The following LRRC1 variants were observed in gnomAD, a reference collection of about 807,000 sequenced individuals.
LRRC1 encodes the protein leucine rich repeat containing 1.
LRRC1 carries 28 observed loss-of-function variants against 69.9 expected under a neutral mutation model. That is an observed-to-expected ratio of 0.40 (90% confidence interval 0.30 to 0.55). The LOEUF (loss-of-function observed/expected upper bound fraction) is 0.55, where lower values mean the gene tolerates loss of function less well. Among genes scored for constraint, LRRC1 ranks in the 20% least tolerant of loss-of-function variants. The pLI is 0.47. For synonymous variants in LRRC1, 236 were observed against 240.2 expected (o/e 0.98, Z 0.16); for missense variants, 498 against 609.0 (o/e 0.82, Z 1.92).
At chr6:53,919,200 A>G (rs1768658651) in intron 11 of LRRC1, 1 of 191,180 alleles carries the variant, frequency 5.2e-6, no homozygotes, top group East Asian at 1.4e-4. Flanking sequence ...GTACAAGACC[A>G]TAAAAATGTG....
At chr6:53,846,758 G>C (rs1477815752) in intron 2 of LRRC1, among the ~76,000 whole-genome samples, 2 of 152,222 alleles carry the variant, frequency 1.3e-5, no homozygotes, top group Admixed American at 1.3e-4. Context: ...TTCTGCAACA[G>C]TTTTCTGTGG....
intron 1 of LRRC1, among the ~76,000 whole-genome samples, chr6:53,801,574 A>G (rs963666212): frequency 6.6e-6 from 1 of 150,898 alleles, no homozygotes; most frequent in African/African-American, 2.5e-5. Flanking sequence ...CCCTGTTACT[A>G]TCACACAATT....
At position 53,857,452 on chromosome 6, in the gene LRRC1, G is replaced by A. The variant is rs550844555; in HGVS notation, c.277+15225G>A. Among the ~76,000 whole-genome samples the A allele has an allele frequency of 5.3e-5, 8 of 152,282 alleles. No individual in the cohort carries two copies. The East Asian group carries it at 7.7e-4, about 15-fold the overall frequency. On this transcript the variant is annotated intron_variant, in intron 2 of 13. Transcript: ENST00000370888. Reference sequence around the variant, plus strand: ...TACTGTGCAGATTAATGGATGAAGCGTTGTCATCGGTGAAACTGCCCAGGC... The same window carrying A: ...TACTGTGCAGATTAATGGATGAAGCATTGTCATCGGTGAAACTGCCCAGGC...
intron 4 of LRRC1, among the ~76,000 whole-genome samples, chr6:53,884,520 CT>C (rs1426375652): frequency 6.6e-6 from 1 of 151,898 alleles, no homozygotes; most frequent in Non-Finnish European, 1.5e-5. Context: ...TTTGCCCCCC[CT>C]ACACAAAAAA....
intron 11 of LRRC1, among the ~76,000 whole-genome samples, chr6:53,915,800 C>T (rs941482136): frequency 1.7e-4 from 26 of 152,044 alleles, no homozygotes; most frequent in African/African-American, 6.3e-4. Context: ...AGATTCATAA[C>T]CAAATGTTAA....
rs569737865 is a variant in LRRC1 at position 53,849,061 on chromosome 6, C to CTT, written c.277+6852_277+6853dup. On this transcript the variant is annotated intron_variant, in intron 2 of 13. Coordinates refer to ENST00000370888, the MANE Select transcript of LRRC1 (RefSeq NM_018214.5). ...CGTGAGCCACTGCGCCCGGCCTATG[C>CTT]TTTTTTTTTTTTTTTTTTTAGTTAG... is the stretch of plus-strand genomic sequence containing the variant. Among the ~76,000 whole-genome samples the CTT allele has an allele frequency of 1.3e-3, 167 of 130,618 alleles. No homozygotes were observed. The Middle Eastern group carries it at 0.016, about 13-fold the overall frequency. 85.7% of individuals were successfully genotyped at this position (130,618 alleles called of 152,430 possible). A position where few individuals can be genotyped will look rare whatever the true frequency, so the allele number is the denominator to read the frequency against.
chr6:53,811,396 T>C (rs751216143), intron 1 of LRRC1, among the ~76,000 whole-genome samples: 47 of 152,170 alleles, frequency 3.1e-4, no homozygotes, highest in Non-Finnish European at 6.0e-4. Context: ...GGGTCAACAG[T>C]AGCACAGAAA....
At chr6:53,857,289 T>G (rs938405610) in intron 2 of LRRC1, among the ~76,000 whole-genome samples, 2 of 152,002 alleles carry the variant, frequency 1.3e-5, no homozygotes, top group Non-Finnish European at 2.9e-5. Context: ...AGAGGGGCCC[T>G]TGTAAGATTC....
intron 2 of LRRC1, among the ~76,000 whole-genome samples, chr6:53,873,289 C>CTTTTTTTTTTT (rs57201410): frequency 7.3e-6 from 1 of 136,808 alleles, no homozygotes; most frequent in Non-Finnish European, 1.6e-5. Context: ...ACCGATTTTT[C>CTTTTTTTTTTT]TTTTTTTTTT....
chr6:53,851,024 A>G (rs1766110876), intron 2 of LRRC1, among the ~76,000 whole-genome samples: 3 of 152,092 alleles, frequency 2.0e-5, no homozygotes, highest in African/African-American at 7.2e-5. Context: ...TCAGTTAGCT[A>G]GAAGAGGAGA....
intron 1 of LRRC1, among the ~76,000 whole-genome samples, chr6:53,825,126 CACT>C (rs2127410281): frequency 6.6e-6 from 1 of 152,314 alleles, no homozygotes; most frequent in Non-Finnish European, 1.5e-5. Context: ...GTGTCCTCTG[CACT>C]ACTTAGTGTT....
chr6:53,872,669 T>G (rs575265380), intron 2 of LRRC1, among the ~76,000 whole-genome samples: 1 of 152,146 alleles, frequency 6.6e-6, no homozygotes, highest in African/African-American at 2.4e-5. Flanking sequence ...CTATGAAGAA[T>G]ATCAGTGGTA....
intron 2 of LRRC1, among the ~76,000 whole-genome samples, chr6:53,872,028 C>G (rs1276666522): frequency 6.6e-6 from 1 of 152,094 alleles, no homozygotes; most frequent in Non-Finnish European, 1.5e-5. Flanking sequence ...CTTGCCCAGA[C>G]CAATGCCATG....
At chr6:53,860,795 G>A (rs1766473112) in intron 2 of LRRC1, among the ~76,000 whole-genome samples, 1 of 152,212 alleles carries the variant, frequency 6.6e-6, no homozygotes, top group Admixed American at 6.5e-5. Context: ...CTGCTTCAAT[G>A]TAAGAGCAGA....
At chr6:53,838,205 A>T (rs79566534) in intron 1 of LRRC1, among the ~76,000 whole-genome samples, 1 of 152,146 alleles carries the variant, frequency 6.6e-6, no homozygotes, top group African/African-American at 2.4e-5. Flanking sequence ...TTAAGATCAC[A>T]TCAGGATAAT....
intron 2 of LRRC1, among the ~76,000 whole-genome samples, chr6:53,874,605 ATTGTGAGG>A (rs1263899030): frequency 2.6e-5 from 4 of 152,146 alleles, no homozygotes; most frequent in Non-Finnish European, 5.9e-5. Context: ...GCATCTGATT[ATTGTGAGG>A]TTGTTGGAGC....
chr6:53,915,887 C>G (rs1768549265), intron 11 of LRRC1, among the ~76,000 whole-genome samples: 2 of 152,154 alleles, frequency 1.3e-5, no homozygotes, highest in African/African-American at 4.8e-5. Context: ...GCTACCTTGT[C>G]AGCCTTTTAG....
intron 1 of LRRC1, among the ~76,000 whole-genome samples, chr6:53,806,653 G>A (rs924886219): frequency 6.6e-6 from 1 of 152,146 alleles, no homozygotes; most frequent in African/African-American, 2.4e-5. Flanking sequence ...TTTGATGAGT[G>A]GTGCTACAGT....
At chr6:53,818,232 T>G (rs574906092) in intron 1 of LRRC1, among the ~76,000 whole-genome samples, 11 of 152,334 alleles carry the variant, frequency 7.2e-5, no homozygotes, top group African/African-American at 2.4e-4. Context: ...GGTAGACATG[T>G]GAATGATACG....
Sources: gnomAD v4.1 joint callset for allele counts (sites outside exome capture counted in the v4.1 genomes callset) on GRCh38, gnomAD v4.1.1 for gene constraint, MANE v1.5 for transcripts, NCBI Gene and HGNC (gene_info 2026-07-23, HGNC 2026-07-21) for gene names.